The following PDE4D variants were observed in gnomAD, a reference collection of about 807,000 sequenced individuals.
PDE4D encodes the protein 3',5'-cyclic-AMP phosphodiesterase 4D.
PDE4D carries 24 observed loss-of-function variants against 87.4 expected under a neutral mutation model. The ratio of observed to expected loss-of-function variants is 0.27; its 90% CI spans 0.20 to 0.39. The LOEUF is 0.39. PDE4D is among the 10% of genes least tolerant of loss of function. The pLI, the probability that PDE4D is intolerant of heterozygous loss-of-function variation, is 1.00. For synonymous variants in PDE4D, 384 were observed against 383.2 expected, an observed-to-expected ratio of 1.00 and a Z score of -0.02; for missense variants, 714 against 1,041.0, an observed-to-expected ratio of 0.69 and a Z score of 4.32.
chr5:60,518,654 T>C (rs1162859675), intron 1 of PDE4D, among the ~76,000 whole-genome samples: 3 of 152,218 alleles, frequency 2.0e-5, no homozygotes, highest in Non-Finnish European at 4.4e-5. Context: ...AGCCTTTACC[T>C]GACCACTTGT....
chr5:59,403,224 T>C (rs1256248366), intron 1 of PDE4D, among the ~76,000 whole-genome samples: 1 of 151,922 alleles, frequency 6.6e-6, no homozygotes, highest in African/African-American at 2.4e-5. Context: ...GATATTTTCA[T>C]ACAGGCAAGC....
chr5:59,877,313 G>T (rs1477368550), intron 1 of PDE4D, among the ~76,000 whole-genome samples: 1 of 151,994 alleles, frequency 6.6e-6, no homozygotes, highest in Admixed American at 6.6e-5. Flanking sequence ...GATAGAATTA[G>T]CCAGAGGCAA....
intron 2 of PDE4D, among the ~76,000 whole-genome samples, chr5:60,089,561 T>C (rs761673220): frequency 6.6e-6 from 1 of 151,800 alleles, no homozygotes; most frequent in Non-Finnish European, 1.5e-5. Context: ...GGATGGAAAT[T>C]TGTAGCAATC....
At chr5:60,392,367 T>C (rs190209431) in intron 1 of PDE4D, among the ~76,000 whole-genome samples, 26 of 152,050 alleles carry the variant, frequency 1.7e-4, no homozygotes, top group African/African-American at 6.0e-4. Context: ...AATATGATTT[T>C]TGTTTTTTCT....
intron 2 of PDE4D, among the ~76,000 whole-genome samples, chr5:60,104,310 A>G (rs1049033451): frequency 1.4e-4 from 22 of 152,172 alleles, no homozygotes; most frequent in Admixed American, 3.9e-4. Flanking sequence ...GCTGGGGGAG[A>G]GGCGCCCACC....
At chr5:59,467,885 T>C (rs769421462) in intron 1 of PDE4D, among the ~76,000 whole-genome samples, 7 of 152,212 alleles carry the variant, frequency 4.6e-5, no homozygotes, top group Non-Finnish European at 1.0e-4. Context: ...ATACATATAT[T>C]CATGATCATA....
intron 5 of PDE4D, among the ~76,000 whole-genome samples, chr5:59,175,346 C>T (rs899562066): frequency 7.2e-5 from 11 of 152,082 alleles, no homozygotes; most frequent in African/African-American, 2.7e-4. Flanking sequence ...TTCTCTGTTA[C>T]CTCTATTCTA....
At chr5:59,031,376 TATATATATATATATATTATATATA>T (rs1311585054) in intron 6 of PDE4D, among the ~76,000 whole-genome samples, 2 of 66,928 alleles carry the variant, frequency 3.0e-5, no homozygotes, top group Admixed American at 3.1e-4. Flanking sequence ...TATATATATA[TATATATATATATATATTATATATA>T]TATATATATA....
At chr5:59,938,355 A>G (rs1756832282) in intron 3 of PDE4D, among the ~76,000 whole-genome samples, 1 of 152,170 alleles carries the variant, frequency 6.6e-6, no homozygotes, top group Non-Finnish European at 1.5e-5. Flanking sequence ...TGGATAGACA[A>G]TGGGCTGAAA....
chr5:59,805,345 A>G (rs983082526), intron 1 of PDE4D, among the ~76,000 whole-genome samples: 4 of 152,218 alleles, frequency 2.6e-5, no homozygotes, highest in African/African-American at 9.6e-5. Flanking sequence ...AGGTCCTAAA[A>G]TATACCTAGG....
At chr5:58,984,622 A>AT (rs532147137) in intron 11 of PDE4D, among the ~76,000 whole-genome samples, 55 of 152,330 alleles carry the variant, frequency 3.6e-4, no homozygotes, top group African/African-American at 1.3e-3. Flanking sequence ...GAGAAATAAA[A>AT]AAGTGTATAC....
chr5:60,048,417 G>A (rs532240506), intron 2 of PDE4D, among the ~76,000 whole-genome samples: 64 of 151,946 alleles, frequency 4.2e-4, no homozygotes, highest in African/African-American at 1.5e-3. Context: ...TACGATGTTA[G>A]CTGGCTATTT....
chr5:59,863,802 A>G (rs1746627123), intron 1 of PDE4D, among the ~76,000 whole-genome samples: 1 of 152,090 alleles, frequency 6.6e-6, no homozygotes, highest in African/African-American at 2.4e-5. Flanking sequence ...TATGTTTGTG[A>G]TGGTTTTGGC....
intron 2 of PDE4D, among the ~76,000 whole-genome samples, chr5:60,154,674 T>A (rs2910836): frequency 0.15 from 22,779 of 152,212 alleles, 1,767 homozygotes; most frequent in South Asian, 0.23. Flanking sequence ...AGCAGCACCC[T>A]GATCAAAAAG....
intron 5 of PDE4D, among the ~76,000 whole-genome samples, chr5:59,071,212 G>A (rs1225499155): frequency 6.6e-6 from 1 of 152,000 alleles, no homozygotes; most frequent in Non-Finnish European, 1.5e-5. Flanking sequence ...CCTTCTATAC[G>A]ATACGATAAT....
chr5:60,306,820 A>G (rs920749564), intron 1 of PDE4D, among the ~76,000 whole-genome samples: 3 of 152,164 alleles, frequency 2.0e-5, no homozygotes, highest in Non-Finnish European at 4.4e-5. Flanking sequence ...GAAAACAAAT[A>G]TATAGCAGAA....
intron 1 of PDE4D, among the ~76,000 whole-genome samples, chr5:60,230,923 A>T (rs1461422395): frequency 6.6e-6 from 1 of 152,192 alleles, no homozygotes; most frequent in East Asian, 1.9e-4. Flanking sequence ...TCTGGCAGGA[A>T]CAGGGGTTAA....
intron 1 of PDE4D, among the ~76,000 whole-genome samples, chr5:59,604,665 A>C (rs1827946733): frequency 6.6e-6 from 1 of 152,020 alleles, no homozygotes; most frequent in South Asian, 2.1e-4. Flanking sequence ...CCATTTGAAA[A>C]GATCTTCAAT....
chr5:59,432,197 C>T (rs913424434), intron 1 of PDE4D, among the ~76,000 whole-genome samples: 1 of 151,914 alleles, frequency 6.6e-6, no homozygotes, highest in Non-Finnish European at 1.5e-5. Flanking sequence ...ATACACAAAC[C>T]CTCACACATG....
Sources: allele counts gnomAD v4.1 joint callset (sites outside exome capture counted in the v4.1 genomes callset), GRCh38; gene constraint gnomAD v4.1.1; transcripts MANE v1.5; gene names NCBI Gene and HGNC (gene_info 2026-07-23, HGNC 2026-07-21).